DPY19L2: variants seen among roughly 807,000 people sequenced by gnomAD.
DPY19L2 encodes dpy-19 like 2, also known as probable C-mannosyltransferase DPY19L2.
A neutral mutation model predicts 97.9 loss-of-function variants in DPY19L2; 34 were observed. That is an observed-to-expected ratio of 0.35 (90% CI 0.26 to 0.46). The LOEUF is 0.46. Among genes scored for constraint, DPY19L2 ranks in the 20% least tolerant of loss-of-function variants. The probability of loss-of-function intolerance (pLI) is 1.00; values close to 1 mark genes in which losing one functional copy is unlikely to be tolerated. For missense variants in DPY19L2, 623 were observed against 911.4 expected (o/e 0.68, Z 4.07); for synonymous variants, 230 against 307.9 (o/e 0.75, Z 2.65).
intron 7 of DPY19L2, among the ~76,000 whole-genome samples, chr12:63,624,774 GA>G (rs945849566): frequency 1.4e-4 from 21 of 152,214 alleles, no homozygotes; most frequent in African/African-American, 4.8e-4. Context: ...CAGAGTATTG[GA>G]AAAATTTTCC....
Position 63,582,433 on chromosome 12 carries a change from AAC to A in DPY19L2, c.1696_1697del (p.Val566TyrfsTer21), listed in dbSNP as rs1485559597. ...LKMFLTPHMC[V>X]MASLICSRQL... is the part of the protein sequence containing the mutation. ...GTCGAGAGCATATCAAGGAAGCCAT[AAC>A]ACACATGTGCGGTGTCAAAAACATC... On this transcript the variant is annotated frameshift_variant, in exon 18 of 22. Coordinates refer to ENST00000324472, the MANE Select transcript of DPY19L2 (RefSeq NM_173812.5). LOFTEE classifies it high-confidence loss of function. 1 of 1,613,370 alleles carries A rather than the reference AAC, an allele frequency of 6.2e-7. No individual in the cohort carries two copies. Among genetic ancestry groups the A allele is most frequent in the Non-Finnish European group, 8.5e-7 (1 of 1,179,560 alleles).
intron 12 of DPY19L2, among the ~76,000 whole-genome samples, chr12:63,603,735 T>TA (rs1448890913): frequency 6.6e-6 from 1 of 152,190 alleles, no homozygotes; most frequent in African/African-American, 2.4e-5. Flanking sequence ...TATTCCATGG[T>TA]ATATATGTAT....
chr12:63,564,620 A>G lies in DPY19L2; in HGVS notation c.2127-3958T>C, dbSNP rs1877281787. On this transcript the variant is annotated intron_variant, in intron 21 of 21. Transcript: ENST00000324472. Reference sequence around the variant, plus strand: ...TTTTACATGATCTAAAGTATTTTAAATGTGTCAATACTTGCTTTGTGGCCT... The same window carrying G: ...TTTTACATGATCTAAAGTATTTTAAGTGTGTCAATACTTGCTTTGTGGCCT... Among the ~76,000 whole-genome samples the G allele has an allele frequency of 2.6e-5, 4 of 152,246 alleles. No homozygotes were observed. In the South Asian group the frequency reaches 8.3e-4, roughly 32 times the overall value.
At chr12:63,635,630 T>C (rs12582635) in intron 6 of DPY19L2, among the ~76,000 whole-genome samples, 42,782 of 151,938 alleles carry the variant, frequency 0.28, 6,618 homozygotes, top group African/African-American at 0.43. Flanking sequence ...ATGAGAACTA[T>C]GTGACGCATG....
At chr12:63,563,265 C>T (rs1876990678) in intron 21 of DPY19L2, among the ~76,000 whole-genome samples, 1 of 152,044 alleles carries the variant, frequency 6.6e-6, no homozygotes, top group African/African-American at 2.4e-5. Flanking sequence ...CAGAGGTTTA[C>T]AGTTTTAATG....
intron 6 of DPY19L2, among the ~76,000 whole-genome samples, chr12:63,632,652 T>C (rs1043942232): frequency 1.3e-5 from 2 of 152,158 alleles, no homozygotes; most frequent in African/African-American, 2.4e-5. Flanking sequence ...AGGTAATTTA[T>C]AGATTCAATG....
intron 21 of DPY19L2, among the ~76,000 whole-genome samples, chr12:63,563,634 T>G (rs1877068169): frequency 6.6e-6 from 1 of 152,222 alleles, no homozygotes; most frequent in African/African-American, 2.4e-5. Flanking sequence ...TGTATTGTCT[T>G]TCTTTAATAT....
intron 6 of DPY19L2, among the ~76,000 whole-genome samples, chr12:63,641,721 G>C (rs80228536): frequency 0.23 from 34,397 of 151,728 alleles, 4,257 homozygotes; most frequent in East Asian, 0.43. Context: ...ATGGATATTT[G>C]GGTTGTTTCC....
chr12:63,562,981 G>T (rs1249867028), intron 21 of DPY19L2, among the ~76,000 whole-genome samples: 1 of 152,066 alleles, frequency 6.6e-6, no homozygotes, highest in Non-Finnish European at 1.5e-5. Flanking sequence ...ATTTTTAGTA[G>T]AGATGGGGTT....
At chr12:63,627,847 G>A (rs1268769949) in intron 6 of DPY19L2, among the ~76,000 whole-genome samples, 1 of 152,090 alleles carries the variant, frequency 6.6e-6, no homozygotes, top group African/African-American at 2.4e-5. Flanking sequence ...TATATCCCCA[G>A]CTTCACACTT....
chr12:63,637,932 T>C (rs1484759920), intron 6 of DPY19L2, among the ~76,000 whole-genome samples: 2 of 152,132 alleles, frequency 1.3e-5, no homozygotes, highest in Admixed American at 6.6e-5. Context: ...CCAATATCCC[T>C]GATGAACATT....
At chr12:63,650,822 C>A (rs1474914062) in intron 4 of DPY19L2, among the ~76,000 whole-genome samples, 2 of 152,050 alleles carry the variant, frequency 1.3e-5, no homozygotes, top group East Asian at 3.8e-4. Context: ...ACATTTTTCA[C>A]ATAATTAGAA....
intron 4 of DPY19L2, among the ~76,000 whole-genome samples, chr12:63,649,251 A>C (rs1487213282): frequency 6.6e-6 from 1 of 152,160 alleles, no homozygotes; most frequent in African/African-American, 2.4e-5. Context: ...TAACAACCTA[A>C]CATCACACCT....
chr12:63,616,727 A>T (rs910919908), intron 11 of DPY19L2, among the ~76,000 whole-genome samples: 2 of 152,164 alleles, frequency 1.3e-5, no homozygotes, highest in African/African-American at 4.8e-5. Flanking sequence ...AGTAGTTTGG[A>T]ACTACACTTT....
At chr12:63,569,725 T>A (rs1220294669) in intron 20 of DPY19L2, among the ~76,000 whole-genome samples, 1 of 152,150 alleles carries the variant, frequency 6.6e-6, no homozygotes, top group Non-Finnish European at 1.5e-5. Context: ...TAATTTCATC[T>A]AAAGAAGCTC....
intron 11 of DPY19L2, among the ~76,000 whole-genome samples, chr12:63,609,753 T>C (rs1316724748): frequency 2.0e-5 from 3 of 152,172 alleles, no homozygotes; most frequent in African/African-American, 7.2e-5. Flanking sequence ...TGATAGGTTA[T>C]TTGTTTATTC....
chr12:63,625,497 A>G (rs1889379488), intron 7 of DPY19L2, among the ~76,000 whole-genome samples: 1 of 152,144 alleles, frequency 6.6e-6, no homozygotes, highest in Admixed American at 6.5e-5. Context: ...CTCTTTTTCA[A>G]TGCCATATCC....
intron 6 of DPY19L2, among the ~76,000 whole-genome samples, chr12:63,629,323 A>T (rs1890156840): frequency 6.6e-6 from 1 of 152,142 alleles, no homozygotes; most frequent in Non-Finnish European, 1.5e-5. Flanking sequence ...CTTGAAAAAA[A>T]ATTAGACGAA....
In DPY19L2 at chr12:63,566,770, A is replaced by G. The variant is rs1877792142; in HGVS notation, c.2126+2454T>C. Among the ~76,000 whole-genome samples, 3 of 152,128 alleles carry G rather than the reference A, an allele frequency of 2.0e-5. No homozygotes were observed. The East Asian group carries it at 5.8e-4, about 29-fold the overall frequency. ...TAGACATTTTTCTACAGAATTTTGT[A>G]TGAACACAACTTTCCACCTTTCTGG... is the stretch of plus-strand genomic sequence containing the variant. On this transcript the variant is annotated intron_variant, in intron 21 of 21. Transcript: ENST00000324472.
Sources: gnomAD v4.1 joint callset for allele counts (sites outside exome capture counted in the v4.1 genomes callset) on GRCh38, gnomAD v4.1.1 for gene constraint, MANE v1.5 for transcripts, NCBI Gene and HGNC (gene_info 2026-07-23, HGNC 2026-07-21) for gene names.